SPINK1: variants seen among roughly 807,000 people sequenced by gnomAD.
SPINK1 encodes serine peptidase inhibitor Kazal type 1.
In SPINK1, 5 loss-of-function variants were observed where a neutral mutation model predicts 9.5. The observed-to-expected ratio is 0.52, with a 90% CI of 0.27 to 1.10. The LOEUF is 1.10. Among genes scored for constraint, SPINK1 ranks in the 50% least tolerant of loss-of-function variants. The probability of loss-of-function intolerance (pLI) is 0.11; values close to 1 mark genes in which losing one functional copy is unlikely to be tolerated. For synonymous variants in SPINK1, 37 were observed against 32.3 expected (o/e 1.14, Z -0.49); for missense variants, 88 against 92.7 (o/e 0.95, Z 0.21).
At chr5:147,838,857 G>A in the SPINK1 span, among the ~76,000 whole-genome samples, 1 of 151,770 alleles carries the variant, frequency 6.6e-6, no homozygotes, top group Non-Finnish European at 1.5e-5. Context: ...ATTCCCCCAC[G>A]GTTCCCCATG....
the SPINK1 span, among the ~76,000 whole-genome samples, chr5:147,838,753 A>G: frequency 6.6e-6 from 1 of 152,122 alleles, no homozygotes; most frequent in East Asian, 1.9e-4. Flanking sequence ...TTGCTTTTCC[A>G]TGGCTCTTGA....
At chr5:147,825,422 T>C (rs2127130462) in intron 3 of SPINK1, among the ~76,000 whole-genome samples, 1 of 147,570 alleles carries the variant, frequency 6.8e-6, no homozygotes, top group South Asian at 2.2e-4. Context: ...TTTTTTTCTT[T>C]TTTTTTTCTT....
upstream of SPINK1, among the ~76,000 whole-genome samples, chr5:147,835,316 T>C (rs1756578688): frequency 6.6e-6 from 1 of 152,166 alleles, no homozygotes; most frequent in Non-Finnish European, 1.5e-5. Flanking sequence ...CCAGGAATTA[T>C]AATTGCTAGC....
At chr5:147,834,649 C>T (rs1756565549), upstream of SPINK1, among the ~76,000 whole-genome samples, 1 of 152,078 alleles carries the variant, frequency 6.6e-6, no homozygotes, top group African/African-American at 2.4e-5. Context: ...TTGGGTCTCA[C>T]AAGCAGTGTG....
chr5:147,831,773 G>C (rs920321820), upstream of SPINK1: 114 of 1,430,972 alleles, frequency 8.0e-5, no homozygotes, highest in Non-Finnish European at 9.8e-5. Flanking sequence ...TGTCACCTGT[G>C]TAAGAAAGGT....
chr5:147,825,225 G>A lies in SPINK1; in HGVS notation c.195-519C>T, dbSNP rs551167203. On this transcript the variant is annotated intron_variant, in intron 3 of 3. Coordinates refer to ENST00000296695, the MANE Select transcript of SPINK1 (RefSeq NM_001379610.1). ...CCCTCCAGATAAAACCTCTCTGTTC[G>A]CCCCACACTACCATTACCAAACTAG... Among the ~76,000 whole-genome samples the A allele has an allele frequency of 1.6e-3, 238 of 151,898 alleles. 2 individuals are homozygous for A. The highest frequency in any genetic ancestry group is 1.1e-3 in the Non-Finnish European group (72 of 67,946).
the SPINK1 span, among the ~76,000 whole-genome samples, chr5:147,837,649 T>TTTTCCTTC: frequency 9.3e-6 from 1 of 107,032 alleles, no homozygotes; most frequent in Non-Finnish European, 1.9e-5. Context: ...CATTAACTTC[T>TTTTCCTTC]TTTCTTTCTT....
chr5:147,826,689 C>T (rs1165516030), intron 3 of SPINK1, among the ~76,000 whole-genome samples: 1 of 152,112 alleles, frequency 6.6e-6, no homozygotes, highest in Admixed American at 6.6e-5. Flanking sequence ...ATTCTTTTTA[C>T]AAGTCTTAAT....
intron 1 of SPINK1, 152 bp from the exon 2 acceptor site, chr5:147,829,782 G>A (rs898330230): frequency 1.3e-6 from 1 of 794,416 alleles, no homozygotes; most frequent in African/African-American, 1.7e-5. Context: ...TCTTCCAAAA[G>A]TATCTGACTG....
At chr5:147,835,393 C>CA (rs1206377434), upstream of SPINK1, among the ~76,000 whole-genome samples, 1 of 152,112 alleles carries the variant, frequency 6.6e-6, no homozygotes, top group East Asian at 1.9e-4. Context: ...CTCATACAAT[C>CA]AATTCTTGAC....
At chr5:147,837,953 C>T in the SPINK1 span, among the ~76,000 whole-genome samples, 2 of 152,012 alleles carry the variant, frequency 1.3e-5, no homozygotes, top group Admixed American at 6.6e-5. Context: ...CCACCCGCCT[C>T]GGCCCCACAA....
chr5:147,830,346 A>G (rs1756487536), intron 1 of SPINK1, among the ~76,000 whole-genome samples: 3 of 152,216 alleles, frequency 2.0e-5, no homozygotes, highest in Admixed American at 2.0e-4. Context: ...GGAAATGATA[A>G]CTGTGGATAA....
chr5:147,831,072 T>C (rs776782235), intron 1 of SPINK1, among the ~76,000 whole-genome samples: 2 of 152,188 alleles, frequency 1.3e-5, no homozygotes, highest in African/African-American at 2.4e-5. Context: ...TCAAGTACAC[T>C]GAAACCTATA....
At chr5:147,832,722 G>C (rs1756530119), upstream of SPINK1, among the ~76,000 whole-genome samples, 1 of 152,102 alleles carries the variant, frequency 6.6e-6, no homozygotes, top group African/African-American at 2.4e-5. Flanking sequence ...TGTTGCTATG[G>C]AATAATTAAG....
chr5:147,837,649 T>TTTCCTTTCTTTC, the SPINK1 span, among the ~76,000 whole-genome samples: 2 of 107,032 alleles, frequency 1.9e-5, no homozygotes, highest in Non-Finnish European at 3.8e-5. Flanking sequence ...CATTAACTTC[T>TTTCCTTTCTTTC]TTTCTTTCTT....
intron 2 of SPINK1, 37 bp from the exon 3 acceptor site, chr5:147,828,165 T>C: frequency 6.6e-7 from 1 of 1,516,972 alleles, no homozygotes; most frequent in Non-Finnish European, 9.1e-7. Flanking sequence ...TTCCCATTAT[T>C]CTCCATTCTT....
upstream of SPINK1, among the ~76,000 whole-genome samples, chr5:147,833,636 ATCTAAGACAATGCCATCCTT>A (rs1245643942): frequency 6.6e-6 from 1 of 152,134 alleles, no homozygotes; most frequent in African/African-American, 2.4e-5. Context: ...CCACTGTCAT[ATCTAAGACAATGCCATCCTT>A]TCCCCCTGGG....
upstream of SPINK1, among the ~76,000 whole-genome samples, chr5:147,834,620 T>A (rs1047671873): frequency 6.6e-6 from 1 of 152,126 alleles, no homozygotes; most frequent in Non-Finnish European, 1.5e-5. Context: ...GGTTCATATA[T>A]GAGAAAAGGA....
chr5:147,833,078 G>T (rs150040560), upstream of SPINK1, among the ~76,000 whole-genome samples: 1 of 152,108 alleles, frequency 6.6e-6, no homozygotes, highest in East Asian at 1.9e-4. Flanking sequence ...CTTTTCAGGT[G>T]ATATCACACA....
Sources: gnomAD v4.1 joint callset for allele counts (sites outside exome capture counted in the v4.1 genomes callset) on GRCh38, gnomAD v4.1.1 for gene constraint, MANE v1.5 for transcripts, NCBI Gene and HGNC (gene_info 2026-07-23, HGNC 2026-07-21) for gene names.